The following KCNIP1 variants were observed in gnomAD, a reference collection of about 807,000 sequenced individuals.
The protein encoded by KCNIP1 is A-type potassium channel modulatory protein KCNIP1.
Under a neutral mutation model 33.0 loss-of-function variants are expected in KCNIP1, and 18 were observed. The ratio of observed to expected loss-of-function variants is 0.55; its 90% CI spans 0.38 to 0.81. The LOEUF is 0.81. Ranked by LOEUF, KCNIP1 falls within the 30% of genes least tolerant of loss-of-function variation. KCNIP1 has a pLI of 0.00. For missense variants in KCNIP1, 238 were observed against 271.6 expected, an observed-to-expected ratio of 0.88 and a Z score of 0.87; for synonymous variants, 93 against 98.3, an observed-to-expected ratio of 0.95 and a Z score of 0.32.
chr5:170,631,526 G>T (rs1760050393), intron 1 of KCNIP1, among the ~76,000 whole-genome samples: 1 of 152,176 alleles, frequency 6.6e-6, no homozygotes. Flanking sequence ...AAACGCAGGG[G>T]CTTTCCCGAA....
chr5:170,527,461 T>G (rs1396407498), intron 1 of KCNIP1, among the ~76,000 whole-genome samples: 1 of 151,816 alleles, frequency 6.6e-6, no homozygotes, highest in Non-Finnish European at 1.5e-5. Context: ...ATTAAAAAGG[T>G]CACTTTCCCT....
intron 1 of KCNIP1, among the ~76,000 whole-genome samples, chr5:170,520,632 G>A (rs529868872): frequency 1.3e-5 from 2 of 152,254 alleles, no homozygotes; most frequent in African/African-American, 2.4e-5. Flanking sequence ...ACAGAGAAAG[G>A]CTGTAGGAAG....
intron 1 of KCNIP1, among the ~76,000 whole-genome samples, chr5:170,604,409 G>C: frequency 6.6e-6 from 1 of 152,194 alleles, no homozygotes; most frequent in East Asian, 1.9e-4. Context: ...TTCAAGGGCG[G>C]GGATCGGAGG....
chr5:170,672,437 A>C (rs1178449156), intron 1 of KCNIP1, among the ~76,000 whole-genome samples: 3 of 152,284 alleles, frequency 2.0e-5, no homozygotes, highest in Admixed American at 6.5e-5. Flanking sequence ...AGGGCTGTCC[A>C]TCAGACTCCT....
chr5:170,691,476 A>G (rs1473031926), intron 1 of KCNIP1, among the ~76,000 whole-genome samples: 1 of 152,208 alleles, frequency 6.6e-6, no homozygotes, highest in African/African-American at 2.4e-5. Flanking sequence ...AAAATACTTA[A>G]CTTTCCTGAG....
At chr5:170,586,617 C>T (rs558534027) in intron 1 of KCNIP1, among the ~76,000 whole-genome samples, 8 of 152,238 alleles carry the variant, frequency 5.3e-5, no homozygotes, top group Admixed American at 2.0e-4. Flanking sequence ...CTCAGTCCCT[C>T]ATCTTCTCCA....
chr5:170,494,615 C>T (rs994367520), intron 1 of KCNIP1, among the ~76,000 whole-genome samples: 14 of 152,190 alleles, frequency 9.2e-5, no homozygotes, highest in African/African-American at 3.4e-4. Flanking sequence ...TGCCAGGCCA[C>T]CAGCGTACGT....
chr5:170,563,481 T>G (rs1757103940), intron 1 of KCNIP1, among the ~76,000 whole-genome samples: 1 of 152,148 alleles, frequency 6.6e-6, no homozygotes, highest in South Asian at 2.1e-4. Context: ...ATTTCTAAGG[T>G]GGGGGATCTG....
Position 170,599,996 on chromosome 5 carries a change from G to A in KCNIP1, c.61+95363G>A, listed in dbSNP as rs115836856. 4.3e-3 allele frequency among the ~76,000 whole-genome samples: 656 copies of A among 152,308 alleles called. 8 individuals carry two copies. Among genetic ancestry groups the A allele is most frequent in the African/African-American group, 0.015 (640 of 41,562 alleles). ...TCAATCCTAAGATGACATTTATTGA[G>A]AGCACATGATGTGCCAGGCATTGTT... On this transcript the variant is annotated intron_variant, in intron 1 of 7. Transcript: ENST00000328939.
At chr5:170,392,889 G>A (rs575304528) in intron 1 of KCNIP1, among the ~76,000 whole-genome samples, 2 of 152,264 alleles carry the variant, frequency 1.3e-5, no homozygotes, top group East Asian at 1.9e-4. Context: ...GGCACAAATG[G>A]AATAGAAGGG....
chr5:170,723,150 A>G (rs1281695865), intron 5 of KCNIP1, among the ~76,000 whole-genome samples: 1 of 152,226 alleles, frequency 6.6e-6, no homozygotes, highest in African/African-American at 2.4e-5. Context: ...AGGAGCCACA[A>G]GTCAAAGCTA....
chr5:170,383,116 T>C (rs114133005), intron 1 of KCNIP1: 2,218 of 167,024 alleles, frequency 0.013, 27 homozygotes, highest in Non-Finnish European at 0.019. Context: ...TGGTGGTGAG[T>C]TTTGTGTTTT....
rs201952116 is a variant in KCNIP1 at position 170,627,841 on chromosome 5, AG to A, written c.62-90913del. Among the ~76,000 whole-genome samples, 745 of 152,302 alleles carry A rather than the reference AG, an allele frequency of 4.9e-3. 21 individuals are homozygous for A. Among genetic ancestry groups the A allele is most frequent in the Admixed American group, 0.043 (653 of 15,306 alleles). On this transcript the variant is annotated intron_variant, in intron 1 of 7. Coordinates refer to ENST00000328939, the MANE Select transcript of KCNIP1 (RefSeq NM_014592.4). ...TTCGAGGGACAGGGCTGAAGAGGAG[AG>A]GGGCTTGGGGCTCCCCTTGATCCCA...
At chr5:170,664,197 A>G (rs1446523350) in intron 1 of KCNIP1, among the ~76,000 whole-genome samples, 5 of 151,952 alleles carry the variant, frequency 3.3e-5, no homozygotes, top group Admixed American at 2.0e-4. Flanking sequence ...CTGCACCCCC[A>G]TCCACTCTTG....
At chr5:170,483,912 A>C (rs1363831362) in intron 1 of KCNIP1, 2 of 152,278 alleles carry the variant, frequency 1.3e-5, no homozygotes, top group Non-Finnish European at 2.9e-5. Context: ...GGATGCACTT[A>C]GACAGCCTGG....
At chr5:170,379,444 G>A (rs1007387219) in intron 1 of KCNIP1, among the ~76,000 whole-genome samples, 1 of 152,164 alleles carries the variant, frequency 6.6e-6, no homozygotes, top group East Asian at 1.9e-4. Flanking sequence ...TTGCCTACAG[G>A]GCTCATGAAG....
chr5:170,545,425 C>T (rs1213404972), intron 1 of KCNIP1, among the ~76,000 whole-genome samples: 4 of 152,100 alleles, frequency 2.6e-5, no homozygotes, highest in East Asian at 1.9e-4. Context: ...CATCAATTTT[C>T]GGAAACTCTT....
chr5:170,369,449 AAG>A (rs1561587862), intron 1 of KCNIP1, among the ~76,000 whole-genome samples: 7 of 152,226 alleles, frequency 4.6e-5, no homozygotes, highest in African/African-American at 1.7e-4. Flanking sequence ...CTGGACAACT[AAG>A]TAAAGTGCTA....
rs554664630 is a variant in KCNIP1 at position 170,358,459 on chromosome 5, T to C, written c.88+4495T>C. 6.6e-5 allele frequency among the ~76,000 whole-genome samples: 10 copies of C among 152,310 alleles called. No homozygotes were observed. In the East Asian group the frequency reaches 1.4e-3, roughly 21 times the overall value. ...GTTCAAGATCCTCAAGAGACTGACCTTGGACCCGGGCATGGACTCTGCCTT... is the reference window on the plus strand; with the variant it reads ...GTTCAAGATCCTCAAGAGACTGACCCTGGACCCGGGCATGGACTCTGCCTT... On this transcript the variant is annotated intron_variant, in intron 1 of 7. Coordinates refer to the KCNIP1 transcript ENST00000377360.
Sources: gnomAD v4.1 joint callset for allele counts (sites outside exome capture counted in the v4.1 genomes callset) on GRCh38, gnomAD v4.1.1 for gene constraint, MANE v1.5 for transcripts, NCBI Gene and HGNC (gene_info 2026-07-23, HGNC 2026-07-21) for gene names.